The following CIMIP4 variants were observed in gnomAD, a reference collection of about 807,000 sequenced individuals.
The protein encoded by CIMIP4 is protein EAN57.
the CIMIP4 span, among the ~76,000 whole-genome samples, chr22:37,000,880 G>A: frequency 6.6e-6 from 1 of 152,170 alleles, no homozygotes; most frequent in African/African-American, 2.4e-5. Flanking sequence ...CTTGCTGGTG[G>A]TGGGGTCACT....
chr22:36,999,129 C>G, the CIMIP4 span, among the ~76,000 whole-genome samples: 1 of 151,818 alleles, frequency 6.6e-6, no homozygotes. Context: ...AGTCCCAGTT[C>G]TACTGGGTCC....
the CIMIP4 span, among the ~76,000 whole-genome samples, chr22:36,999,437 A>G: frequency 1.4e-5 from 2 of 144,800 alleles, no homozygotes; most frequent in East Asian, 4.1e-4. Flanking sequence ...TGGTGATTTC[A>G]GTGAGCCAAG....
the CIMIP4 span, chr22:37,002,350 G>T: frequency 1.3e-6 from 1 of 789,206 alleles, no homozygotes; most frequent in Non-Finnish European, 1.6e-6. Flanking sequence ...GAGACACGCA[G>T]ACAAGGGCAG....
chr22:37,000,758 C>T, the CIMIP4 span, among the ~76,000 whole-genome samples: 1 of 152,204 alleles, frequency 6.6e-6, no homozygotes. Flanking sequence ...AGAGAAAGGA[C>T]TTCTCCCAAG....
At chr22:36,991,698 C>A in the CIMIP4 span, 1 of 955,432 alleles carries the variant, frequency 1.0e-6, no homozygotes, top group South Asian at 1.4e-5. Flanking sequence ...AATTGTGGAA[C>A]GGAAGGAGAG....
At chr22:37,003,890 G>A in the CIMIP4 span, 21 of 1,449,874 alleles carry the variant, frequency 1.4e-5, no homozygotes, top group South Asian at 6.7e-5. Context: ...AGAAAGGGCC[G>A]GTGCCCTGCT....
At chr22:37,001,864 C>T in the CIMIP4 span, 3 of 1,603,668 alleles carry the variant, frequency 1.9e-6, no homozygotes, top group Non-Finnish European at 2.6e-6. Context: ...GCTGGTCCAC[C>T]ACATTGCTCC....
chr22:36,992,938 T>C, the CIMIP4 span, among the ~76,000 whole-genome samples: 1 of 150,008 alleles, frequency 6.7e-6, no homozygotes, highest in Non-Finnish European at 1.5e-5. Context: ...AATACATATA[T>C]AAATTCTATA....
the CIMIP4 span, among the ~76,000 whole-genome samples, chr22:36,999,350 C>T: frequency 1.6e-4 from 23 of 147,554 alleles, no homozygotes; most frequent in East Asian, 4.4e-3. Context: ...TATGGTGGCG[C>T]GCATCTGTGG....
At chr22:37,002,831 A>G in the CIMIP4 span, among the ~76,000 whole-genome samples, 24 of 152,242 alleles carry the variant, frequency 1.6e-4, no homozygotes, top group African/African-American at 5.3e-4. Flanking sequence ...TTTGCTTCCA[A>G]TGCAAGACTG....
the CIMIP4 span, chr22:37,001,785 T>G: frequency 2.1e-6 from 3 of 1,455,624 alleles, no homozygotes; most frequent in South Asian, 2.9e-5. Context: ...GAGTTTATCT[T>G]ATGTCCTCAT....
chr22:36,996,251 T>C, the CIMIP4 span, among the ~76,000 whole-genome samples: 1 of 152,126 alleles, frequency 6.6e-6, no homozygotes, highest in Non-Finnish European at 1.5e-5. Flanking sequence ...TGCATAAATG[T>C]AGCCATTATT....
the CIMIP4 span, among the ~76,000 whole-genome samples, chr22:36,999,523 G>GA: frequency 3.6e-5 from 1 of 27,712 alleles, no homozygotes; most frequent in African/African-American, 2.0e-4. Flanking sequence ...AAGGGAAGGG[G>GA]AGGGGAGGGG....
the CIMIP4 span, chr22:36,991,213 C>G: frequency 1.9e-6 from 3 of 1,614,144 alleles, no homozygotes; most frequent in Non-Finnish European, 2.5e-6. Flanking sequence ...GCTGTTTTCT[C>G]CATATTTCTC....
chr22:37,003,711 C>A, the CIMIP4 span, among the ~76,000 whole-genome samples: 3 of 152,214 alleles, frequency 2.0e-5, no homozygotes, highest in Non-Finnish European at 4.4e-5. Context: ...ACCTGAGTCA[C>A]CCCCTCAGGA....
chr22:37,002,877 G>A, the CIMIP4 span, among the ~76,000 whole-genome samples: 2 of 152,118 alleles, frequency 1.3e-5, no homozygotes, highest in Admixed American at 6.5e-5. Context: ...CGCCAGGGCT[G>A]AGAAGTGGCA....
At chr22:37,002,882 G>T in the CIMIP4 span, among the ~76,000 whole-genome samples, 1 of 152,124 alleles carries the variant, frequency 6.6e-6, no homozygotes, top group Non-Finnish European at 1.5e-5. Flanking sequence ...GGGCTGAGAA[G>T]TGGCACCATC....
At chr22:37,001,910 C>T in the CIMIP4 span, 3 of 1,613,242 alleles carry the variant, frequency 1.9e-6, no homozygotes, top group Non-Finnish European at 2.5e-6. Context: ...AATGATGCTG[C>T]CCTTCTGGTT....
chr22:36,994,431 C>T, the CIMIP4 span, among the ~76,000 whole-genome samples: 9 of 151,636 alleles, frequency 5.9e-5, no homozygotes, highest in Non-Finnish European at 1.2e-4. Flanking sequence ...CGGGTTCAAG[C>T]GATTCTTCTG....
Sources: gnomAD v4.1 joint callset for allele counts (sites outside exome capture counted in the v4.1 genomes callset) on GRCh38, gnomAD v4.1.1 for gene constraint, MANE v1.5 for transcripts, NCBI Gene and HGNC (gene_info 2026-07-23, HGNC 2026-07-21) for gene names.